The following ME3 variants were observed in gnomAD, a reference collection of about 807,000 sequenced individuals.
ME3 encodes the protein NADP-dependent malic enzyme, mitochondrial.
ME3 carries 48 observed loss-of-function variants against 68.9 expected under a neutral mutation model. That is an observed-to-expected ratio of 0.70 (90% CI 0.55 to 0.89). The LOEUF (loss-of-function observed/expected upper bound fraction) is 0.89, where lower values mean the gene tolerates loss of function less well. ME3 is among the 40% of genes least tolerant of loss of function. The pLI is 0.00. For synonymous variants in ME3, 320 were observed against 318.8 expected, an observed-to-expected ratio of 1.00 and a Z score of -0.04; for missense variants, 675 against 797.4, an observed-to-expected ratio of 0.85 and a Z score of 1.85.
chr11:86,519,852 T>C (rs930843537), intron 4 of ME3, among the ~76,000 whole-genome samples: 5 of 152,224 alleles, frequency 3.3e-5, no homozygotes, highest in African/African-American at 9.6e-5. Context: ...GAGGTAACTG[T>C]CCATGCCTTG....
chr11:86,579,321 C>T lies in ME3; in HGVS notation c.184-19498G>A, dbSNP rs368489157. 5.3e-5 allele frequency among the ~76,000 whole-genome samples: 8 copies of T among 152,282 alleles called. No homozygotes were observed. In the East Asian group the frequency reaches 1.3e-3, roughly 26 times the overall value. On this transcript the variant is annotated intron_variant, in intron 2 of 14. Transcript: ENST00000543262. ...TCAGGTGTGCAGGTCCAAACTTGCC[C>T]ATGAGAGGCAGTGGGCCACAGAGAA...
chr11:86,602,566 G>C (rs1264548700), intron 2 of ME3, among the ~76,000 whole-genome samples: 1 of 151,978 alleles, frequency 6.6e-6, no homozygotes, highest in Non-Finnish European at 1.5e-5. Flanking sequence ...TCCCCATCAA[G>C]CTACCAATGA....
At chr11:86,512,471 A>G (rs948026044) in intron 4 of ME3, among the ~76,000 whole-genome samples, 1 of 152,248 alleles carries the variant, frequency 6.6e-6, no homozygotes, top group African/African-American at 2.4e-5. Context: ...ATAGATGTGC[A>G]ATGCACAATT....
At chr11:86,632,162 A>G (rs1028280131) in intron 2 of ME3, among the ~76,000 whole-genome samples, 14 of 152,212 alleles carry the variant, frequency 9.2e-5, no homozygotes, top group Non-Finnish European at 1.3e-4. Flanking sequence ...CTCCAACAGC[A>G]TAGTGGTGTG....
At chr11:86,570,064 T>C (rs192615153) in intron 2 of ME3, among the ~76,000 whole-genome samples, 133 of 152,344 alleles carry the variant, frequency 8.7e-4, no homozygotes, top group Middle Eastern at 3.4e-3. Flanking sequence ...CAGGTGTGCC[T>C]GCACTTCTGA....
intron 8 of ME3, chr11:86,457,585 T>A: frequency 8.4e-7 from 1 of 1,189,882 alleles, no homozygotes; most frequent in East Asian, 5.9e-5. Context: ...TCTCCATCAT[T>A]AACCTGCATT....
intron 4 of ME3, among the ~76,000 whole-genome samples, chr11:86,517,410 A>G (rs2139157755): frequency 6.6e-6 from 1 of 152,306 alleles, no homozygotes; most frequent in South Asian, 2.1e-4. Flanking sequence ...CACAGAATAA[A>G]CTGTGCTTTA....
chr11:86,589,401 GATGA>G (rs200147988), intron 2 of ME3, among the ~76,000 whole-genome samples: 8 of 152,094 alleles, frequency 5.3e-5, no homozygotes, highest in African/African-American at 1.4e-4. Flanking sequence ...ATGAATGAAT[GATGA>G]ATGAATGAAT....
intron 7 of ME3, among the ~76,000 whole-genome samples, chr11:86,481,149 C>A (rs975158831): frequency 6.6e-6 from 1 of 151,642 alleles, no homozygotes; most frequent in African/African-American, 2.4e-5. Context: ...TTAAGTGATC[C>A]TCTTGCTTCA....
chr11:86,437,463 C>T (rs151064217), downstream of ME3, among the ~76,000 whole-genome samples: 3 of 152,174 alleles, frequency 2.0e-5, no homozygotes, highest in African/African-American at 7.2e-5. Context: ...CTTTACATTA[C>T]CATAAACATT....
At chr11:86,654,418 C>T (rs1218949703) in intron 2 of ME3, among the ~76,000 whole-genome samples, 4 of 152,208 alleles carry the variant, frequency 2.6e-5, no homozygotes, top group African/African-American at 7.2e-5. Context: ...GGGCTTCACC[C>T]CTGGGATGCA....
chr11:86,609,125 G>A (rs1258067006), intron 2 of ME3, among the ~76,000 whole-genome samples: 1 of 152,186 alleles, frequency 6.6e-6, no homozygotes, highest in Non-Finnish European at 1.5e-5. Flanking sequence ...AGGTCATGCA[G>A]CTGACATGTA....
At chr11:86,439,363 A>G (rs755721483), downstream of ME3, among the ~76,000 whole-genome samples, 10 of 152,174 alleles carry the variant, frequency 6.6e-5, no homozygotes, top group Admixed American at 3.9e-4. Context: ...TCTTTGATCT[A>G]TGGGTTATTT....
At chr11:86,560,748 G>GTGTATATATATATATATATATATATA (rs1243025217) in intron 2 of ME3, among the ~76,000 whole-genome samples, 35 of 62,498 alleles carry the variant, frequency 5.6e-4, no homozygotes, top group African/African-American at 1.7e-3. Flanking sequence ...GTGTGTGTGT[G>GTGTATATATATATATATATATATATA]TATATATATA....
At chr11:86,467,383 T>C (rs1212164787) in intron 7 of ME3, among the ~76,000 whole-genome samples, 1 of 152,142 alleles carries the variant, frequency 6.6e-6, no homozygotes, top group African/African-American at 2.4e-5. Flanking sequence ...AGCCCTCTTT[T>C]GCTTGTACTA....
intron 3 of ME3, among the ~76,000 whole-genome samples, chr11:86,557,708 C>T (rs749081265): frequency 6.6e-6 from 1 of 152,186 alleles, no homozygotes; most frequent in Non-Finnish European, 1.5e-5. Context: ...CAAGAGAGGA[C>T]TGATACTCAG....
At chr11:86,618,299 CAAAAAAAAAAAAAAAAA>C (rs55824426) in intron 2 of ME3, among the ~76,000 whole-genome samples, 1 of 55,934 alleles carries the variant, frequency 1.8e-5, no homozygotes, top group Non-Finnish European at 3.1e-5. Context: ...GGCTCTGTCT[CAAAAAAAAAAAAAAAAA>C]AAAAAAAAAA....
At chr11:86,603,779 G>A (rs1565201259) in intron 2 of ME3, among the ~76,000 whole-genome samples, 1 of 151,872 alleles carries the variant, frequency 6.6e-6, no homozygotes, top group Non-Finnish European at 1.5e-5. Context: ...AAAATGATGT[G>A]TTCATGTCCT....
At chr11:86,440,941 G>T (rs1271223007), downstream of ME3, among the ~76,000 whole-genome samples, 1 of 152,114 alleles carries the variant, frequency 6.6e-6, no homozygotes, top group Non-Finnish European at 1.5e-5. Context: ...ATGGCAAAAT[G>T]AATTGTGTCC....
Sources: allele counts gnomAD v4.1 joint callset (sites outside exome capture counted in the v4.1 genomes callset), GRCh38; gene constraint gnomAD v4.1.1; transcripts MANE v1.5; gene names NCBI Gene and HGNC (gene_info 2026-07-23, HGNC 2026-07-21).